Variants in SLC17A1 observed in about 807,000 individuals in gnomAD.
SLC17A1 encodes the protein solute carrier family 17 member 1, also known as sodium-dependent phosphate transport protein 1.
In SLC17A1, 51 loss-of-function variants were observed where a neutral mutation model predicts 53.5. That is an observed-to-expected ratio of 0.95 (90% confidence interval 0.76 to 1.20). The LOEUF is 1.20. SLC17A1 is among the 50% of genes most tolerant of loss of function. The pLI, the probability that SLC17A1 is intolerant of heterozygous loss-of-function variation, is 0.00. For synonymous variants in SLC17A1, 179 were observed against 198.8 expected, an observed-to-expected ratio of 0.90 and a Z score of 0.84; for missense variants, 538 against 568.2, an observed-to-expected ratio of 0.95 and a Z score of 0.54.
intron 3 of SLC17A1, among the ~76,000 whole-genome samples, chr6:25,824,227 A>G (rs1764660548): frequency 6.6e-6 from 1 of 151,944 alleles, no homozygotes; most frequent in African/African-American, 2.4e-5. Flanking sequence ...AAATGTTAAG[A>G]GAAGTTCTTC....
chr6:25,816,119 A>G (rs770505456), intron 6 of SLC17A1, among the ~76,000 whole-genome samples: 15 of 152,192 alleles, frequency 9.9e-5, no homozygotes, highest in Non-Finnish European at 1.9e-4. Context: ...AGTAAATCAA[A>G]GACAATTTTG....
the SLC17A1 span, chr6:25,776,747 CA>C: frequency 6.2e-7 from 1 of 1,613,964 alleles, no homozygotes; most frequent in Non-Finnish European, 8.5e-7. Flanking sequence ...AGACTGGACA[CA>C]GGGGTGAACG....
At chr6:25,772,024 G>T in the SLC17A1 span, among the ~76,000 whole-genome samples, 1 of 152,116 alleles carries the variant, frequency 6.6e-6, no homozygotes, top group Non-Finnish European at 1.5e-5. Flanking sequence ...ATACCTTATA[G>T]TCCCACTAGT....
chr6:25,777,366 A>T, the SLC17A1 span: 2 of 170,678 alleles, frequency 1.2e-5, no homozygotes, highest in Admixed American at 5.9e-5. Flanking sequence ...CAGTAAAAAC[A>T]GTTGACTGAG....
the SLC17A1 span, among the ~76,000 whole-genome samples, chr6:25,772,344 T>G: frequency 6.6e-6 from 1 of 152,192 alleles, no homozygotes; most frequent in Non-Finnish European, 1.5e-5. Flanking sequence ...CCTCCGCACT[T>G]GATTATGTTC....
chr6:25,749,492 T>TA, the SLC17A1 span, among the ~76,000 whole-genome samples: 36,172 of 152,060 alleles, frequency 0.24, 4,899 homozygotes, highest in Non-Finnish European at 0.3. Context: ...AGACAAAACC[T>TA]AAAAAAATGA....
At chr6:25,760,489 C>CCTGAAT in the SLC17A1 span, among the ~76,000 whole-genome samples, 1 of 152,080 alleles carries the variant, frequency 6.6e-6, no homozygotes, top group African/African-American at 2.4e-5. Flanking sequence ...CATTTTGATT[C>CCTGAAT]CTGAATCTGA....
chr6:25,776,116 C>G, the SLC17A1 span, among the ~76,000 whole-genome samples: 1 of 151,716 alleles, frequency 6.6e-6, no homozygotes, highest in East Asian at 1.9e-4. Flanking sequence ...TTGTGAGAAC[C>G]TGATTCTCCA....
At chr6:25,730,476 G>T in the SLC17A1 span, among the ~76,000 whole-genome samples, 2 of 152,290 alleles carry the variant, frequency 1.3e-5, no homozygotes, top group South Asian at 2.1e-4. Context: ...GTAGCAGAGT[G>T]GTGGTTACCA....
intron 10 of SLC17A1, among the ~76,000 whole-genome samples, chr6:25,805,680 G>A (rs994858210): frequency 3.3e-5 from 5 of 151,944 alleles, no homozygotes; most frequent in African/African-American, 7.2e-5. Flanking sequence ...AAATGAAATT[G>A]GAGACATTGT....
chr6:25,748,982 A>G, the SLC17A1 span, among the ~76,000 whole-genome samples: 4 of 152,146 alleles, frequency 2.6e-5, no homozygotes, highest in African/African-American at 4.8e-5. Context: ...TCCCAGGGGC[A>G]GGCAGGAGAC....
Position 25,821,130 on chromosome 6 carries a change from G to A in SLC17A1, c.208-1215C>T, listed in dbSNP as rs188705212. On this transcript the variant is annotated intron_variant, in intron 3 of 12. Transcript: ENST00000244527. ...GGAGGAACATATTAAATAACGAAGAGTTTCCTGAATAAACAGTGAATGTGC... is the reference window on the plus strand; with the variant it reads ...GGAGGAACATATTAAATAACGAAGAATTTCCTGAATAAACAGTGAATGTGC... 3.5e-3 allele frequency among the ~76,000 whole-genome samples: 526 copies of A among 152,174 alleles called. 1 individual carries two copies. The highest frequency in any genetic ancestry group is 6.5e-3 in the Non-Finnish European group (440 of 67,992).
At chr6:25,792,482 A>AT (rs1459306542) in intron 12 of SLC17A1, among the ~76,000 whole-genome samples, 1 of 126,280 alleles carries the variant, frequency 7.9e-6, no homozygotes, top group Non-Finnish European at 1.6e-5. Context: ...TCCCTTTAAA[A>AT]TTGTTCTAGC....
At chr6:25,799,002 T>C (rs1265679636) in intron 11 of SLC17A1, 83 bp from the exon 12 acceptor site, 2 of 1,321,132 alleles carry the variant, frequency 1.5e-6, no homozygotes, top group Non-Finnish European at 2.0e-6. Flanking sequence ...ATATTAAAAA[T>C]GTAGACTCAA....
the SLC17A1 span, among the ~76,000 whole-genome samples, chr6:25,759,822 T>A: frequency 1.9e-4 from 29 of 152,244 alleles, no homozygotes; most frequent in African/African-American, 6.5e-4. Flanking sequence ...ACCTGTCTTT[T>A]AAATCTTTAT....
At chr6:25,752,580 A>G in the SLC17A1 span, among the ~76,000 whole-genome samples, 1 of 152,224 alleles carries the variant, frequency 6.6e-6, no homozygotes, top group Non-Finnish European at 1.5e-5. Context: ...TTGACTTTAT[A>G]AACTTTTAAA....
chr6:25,781,886 A>T (rs962030229), downstream of SLC17A1, among the ~76,000 whole-genome samples: 1 of 152,234 alleles, frequency 6.6e-6, no homozygotes, highest in Non-Finnish European at 1.5e-5. Context: ...ACCATAGCAG[A>T]AGGAAAGAGG....
rs540673355 is a variant in SLC17A1, at chr6:25,810,693, A to T, written c.1178+705T>A. Among the ~76,000 whole-genome samples the T allele has an allele frequency of 2.6e-5, 4 of 152,280 alleles. No homozygotes were observed. The East Asian group carries it at 7.7e-4, about 29-fold the overall frequency. The stretch of plus-strand genomic sequence containing the variant: ...ACAGCTGTTACGGAAAACAGTATGG[A>T]TGTTCCTCAAAAAATTAAAAGTATA... On this transcript the variant is annotated intron_variant, in intron 10 of 12. Transcript: ENST00000244527.
At chr6:25,801,601 C>T (rs1392609282) in intron 10 of SLC17A1, among the ~76,000 whole-genome samples, 1 of 152,214 alleles carries the variant, frequency 6.6e-6, no homozygotes, top group Non-Finnish European at 1.5e-5. Flanking sequence ...AATGAGTTCA[C>T]TCCAGGGCTG....
Sources: gnomAD v4.1 joint callset for allele counts (sites outside exome capture counted in the v4.1 genomes callset) on GRCh38, gnomAD v4.1.1 for gene constraint, MANE v1.5 for transcripts, NCBI Gene and HGNC (gene_info 2026-07-23, HGNC 2026-07-21) for gene names.